LIPA: variants seen among roughly 807,000 people sequenced by gnomAD.
LIPA encodes the protein lipase A, lysosomal acid type.
In LIPA, 26 loss-of-function variants were observed where a neutral mutation model predicts 40.6. The ratio of observed to expected loss-of-function variants is 0.64; its 90% confidence interval spans 0.47 to 0.89. The LOEUF (loss-of-function observed/expected upper bound fraction) is 0.89, where lower values mean the gene tolerates loss of function less well. Ranked by LOEUF, LIPA falls within the 40% of genes least tolerant of loss-of-function variation. The probability of loss-of-function intolerance (pLI) is 0.00; values close to 1 mark genes in which losing one functional copy is unlikely to be tolerated. For missense variants in LIPA, 455 were observed against 479.6 expected (o/e 0.95, Z 0.48); for synonymous variants, 188 against 168.4 (o/e 1.12, Z -0.90).
intron 1 of LIPA, among the ~76,000 whole-genome samples, chr10:89,320,174 C>A (rs1843563605): frequency 6.6e-6 from 1 of 152,180 alleles, no homozygotes; most frequent in Non-Finnish European, 1.5e-5. Flanking sequence ...GGGATGCCCT[C>A]TCTCAACACT....
chr10:89,263,395 A>C (rs557049268), intron 1 of LIPA, among the ~76,000 whole-genome samples: 1 of 152,356 alleles, frequency 6.6e-6, no homozygotes, highest in Admixed American at 6.5e-5. Flanking sequence ...GATTGCTACC[A>C]AAAACTACAA....
At position 89,247,631 on chromosome 10, in the gene LIPA, C is replaced by T. The variant is rs1258505208; in HGVS notation, c.18G>A (p.Leu6=). The change falls in exon 2 of 10, where the codon TTG becomes TTA. Residue 6 remains leucine, a synonymous_variant. Transcript: ENST00000336233. The part of the protein sequence containing the change: MKMRF[L]GLVVCLVLWT... ...AGAGAACCAAACAGACCACCAACCC[C>T]AAGAACCGCATTTTCATTCTGTATA... The T allele has an allele frequency of 6.2e-7, 1 of 1,610,688 alleles. No homozygotes were observed. Among genetic ancestry groups the T allele is most frequent in the Admixed American group, 1.7e-5 (1 of 59,982 alleles).
intron 1 of LIPA, among the ~76,000 whole-genome samples, chr10:89,313,496 G>T (rs1416485378): frequency 6.6e-6 from 1 of 152,090 alleles, no homozygotes; most frequent in South Asian, 2.1e-4. Flanking sequence ...TCTTCAAATG[G>T]TTAAACATAG....
At chr10:89,403,515 A>G (rs370975704) in intron 2 of LIPA, 2 of 1,613,226 alleles carry the variant, frequency 1.2e-6, no homozygotes, top group Middle Eastern at 1.6e-4. Context: ...GGCATCATTA[A>G]CAAGGGATAA....
intron 2 of LIPA, among the ~76,000 whole-genome samples, chr10:89,397,402 T>C (rs11203109): frequency 0.25 from 38,117 of 151,992 alleles, 4,990 homozygotes; most frequent in Middle Eastern, 0.28. Context: ...TGTCATCAGA[T>C]TGATCTTGAA....
intron 2 of LIPA, among the ~76,000 whole-genome samples, chr10:89,401,857 G>A (rs1589638319): frequency 6.6e-6 from 1 of 151,688 alleles, no homozygotes; most frequent in South Asian, 2.1e-4. Context: ...ATTACATGCA[G>A]AGTAAGGTCC....
chr10:89,349,679 G>A (rs935718941), intron 2 of LIPA, among the ~76,000 whole-genome samples: 5 of 152,166 alleles, frequency 3.3e-5, no homozygotes, highest in African/African-American at 2.4e-5. Flanking sequence ...CAGTCTGTCA[G>A]GAGTGGTTGG....
Position 89,222,558 on chromosome 10 carries a change from G to C in LIPA, c.847C>G (p.His283Asp). The change falls in exon 8 of 10, where the codon CAT becomes GAT. Residue 283 changes from histidine (H) to aspartate (D), a missense_variant. By Grantham distance (81) the His-to-Asp change is moderately conservative. Transcript: ENST00000336233. ...TGCACAGAAGTTCCAGCAGGAGAATGTGTTGTATATACATCCACTCTAGAC... is the reference window on the plus strand; with the variant it reads ...TGCACAGAAGTTCCAGCAGGAGAATCTGTTGTATATACATCCACTCTAGAC... ...NMSRVDVYTT[H>D]SPAGTSVQNM... The C allele has an allele frequency of 6.2e-7, 1 of 1,607,842 alleles. No individual in the cohort carries two copies. Among genetic ancestry groups the C allele is most frequent in the Non-Finnish European group, 8.5e-7 (1 of 1,174,242 alleles).
chr10:89,368,555 T>C (rs1844073981), intron 2 of LIPA, among the ~76,000 whole-genome samples: 1 of 152,334 alleles, frequency 6.6e-6, no homozygotes, highest in African/African-American at 2.4e-5. Context: ...ACTGCTCTCT[T>C]GGGACCATTG....
chr10:89,346,321 A>G (rs924313968), upstream of LIPA, among the ~76,000 whole-genome samples: 4 of 152,216 alleles, frequency 2.6e-5, 1 homozygote, highest in Admixed American at 2.0e-4. Context: ...GTGACAACAT[A>G]TAATCAACTA....
chr10:89,288,911 G>A (rs1308540268), intron 1 of LIPA, among the ~76,000 whole-genome samples: 1 of 152,170 alleles, frequency 6.6e-6, no homozygotes, highest in Non-Finnish European at 1.5e-5. Flanking sequence ...CTACGCAAGG[G>A]TCCTCCATCA....
chr10:89,313,895 C>A (rs375923092), intron 1 of LIPA, among the ~76,000 whole-genome samples: 7 of 152,066 alleles, frequency 4.6e-5, no homozygotes, highest in Non-Finnish European at 8.8e-5. Flanking sequence ...GGGGTTGTGA[C>A]GATGGGAGAT....
chr10:89,248,733 G>A (rs1042090350), intron 1 of LIPA, among the ~76,000 whole-genome samples: 6 of 151,674 alleles, frequency 4.0e-5, no homozygotes, highest in African/African-American at 1.5e-4. Context: ...TCACGCCTCG[G>A]CCTCCCAAAG....
chr10:89,328,001 A>G (rs2133537539), intron 1 of LIPA: 1 of 1,547,212 alleles, frequency 6.5e-7, no homozygotes, highest in Admixed American at 1.7e-5. Context: ...CTTGAGGCAG[A>G]CAGGAAGACT....
chr10:89,363,470 C>T (rs1186671597), intron 2 of LIPA: 1 of 152,158 alleles, frequency 6.6e-6, no homozygotes, highest in African/African-American at 2.4e-5. Flanking sequence ...GAAGCTAACA[C>T]AATTGACTAA....
rs148663533 is a variant in LIPA at position 89,337,721 on chromosome 10, A to T, written c.-2+4890T>A. Among the ~76,000 whole-genome samples the T allele has an allele frequency of 9.9e-4, 151 of 152,350 alleles. 1 individual carries two copies. Among genetic ancestry groups the T allele is most frequent in the Non-Finnish European group, 1.8e-3 (125 of 68,028 alleles). On this transcript the variant is annotated intron_variant, in intron 1 of 5. Coordinates refer to the LIPA transcript ENST00000282673. ...GCTGACTTGGTAATTGAGCAGCGTG[A>T]GAGAGATCTCATTTCCTGTCACTGA...
At chr10:89,264,256 G>A (rs1437384928) in intron 1 of LIPA, among the ~76,000 whole-genome samples, 1 of 152,216 alleles carries the variant, frequency 6.6e-6, no homozygotes, top group African/African-American at 2.4e-5. Context: ...CATCCAGGAA[G>A]AATGAAATAT....
intron 2 of LIPA, chr10:89,412,634 T>C (rs967677509): frequency 1.5e-5 from 4 of 267,616 alleles, no homozygotes; most frequent in Admixed American, 5.0e-5. Flanking sequence ...GCTGTAACAC[T>C]CACCACAAAG....
At position 89,245,739 on chromosome 10, in the gene LIPA, C is replaced by T. The variant is rs1564764219; in HGVS notation, c.166G>A (p.Glu56Lys). Residue 56 changes from glutamate (E) to lysine (K), a missense_variant, in exon 3 of 10, where the codon GAA becomes AAA. Physicochemically the swap from Glu to Lys is moderately conservative, Grantham distance 56. Coordinates refer to ENST00000336233, the MANE Select transcript of LIPA (RefSeq NM_000235.4). Reference sequence around the variant, plus strand: ...TTAAGGCACAGAATATATCCATCTTCTGTCTCAACTAGGTATTCCTCACTA... The same window carrying T: ...TTAAGGCACAGAATATATCCATCTTTTGTCTCAACTAGGTATTCCTCACTA... ...FPSEEYLVET[E>K]DGYILCLNRI... 16 of 1,606,230 alleles carry T rather than the reference C, an allele frequency of 1.0e-5. No individual in the cohort carries two copies. Among genetic ancestry groups the T allele is most frequent in the Non-Finnish European group, 1.4e-5 (16 of 1,172,872 alleles).
Sources: allele counts gnomAD v4.1 joint callset (sites outside exome capture counted in the v4.1 genomes callset), GRCh38; gene constraint gnomAD v4.1.1; transcripts MANE v1.5; gene names NCBI Gene and HGNC (gene_info 2026-07-23, HGNC 2026-07-21).